The following PACRG variants were observed in gnomAD, a reference collection of about 807,000 sequenced individuals.
The protein encoded by PACRG is parkin coregulated, also known as parkin coregulated gene protein.
PACRG carries 29 observed loss-of-function variants against 29.7 expected under a neutral mutation model. The ratio of observed to expected loss-of-function variants is 0.98; its 90% CI spans 0.73 to 1.33. The LOEUF (loss-of-function observed/expected upper bound fraction) is 1.33. PACRG is among the 40% of genes most tolerant of loss of function. The pLI is 0.00. For missense variants in PACRG, 279 were observed against 316.2 expected (o/e 0.88, Z 0.89); for synonymous variants, 116 against 118.7 (o/e 0.98, Z 0.15).
At chr6:162,858,075 G>A (rs1453989454) in intron 2 of PACRG, among the ~76,000 whole-genome samples, 1 of 152,140 alleles carries the variant, frequency 6.6e-6, no homozygotes, top group Non-Finnish European at 1.5e-5. Flanking sequence ...TGAATATTCG[G>A]TGAATGTTGT....
chr6:162,912,212 T>TA (rs1796349188), intron 2 of PACRG, among the ~76,000 whole-genome samples: 1 of 152,324 alleles, frequency 6.6e-6, no homozygotes, highest in South Asian at 2.1e-4. Flanking sequence ...TTCCATCATT[T>TA]AAAAAAATCT....
chr6:163,308,437 G>A (rs1385421386), intron 4 of PACRG, among the ~76,000 whole-genome samples: 6 of 152,166 alleles, frequency 3.9e-5, no homozygotes, highest in Non-Finnish European at 8.8e-5. Context: ...AGGCCAAGGC[G>A]AGCGGATCAC....
At chr6:163,290,469 G>A (rs1043257131) in intron 4 of PACRG, among the ~76,000 whole-genome samples, 3 of 152,162 alleles carry the variant, frequency 2.0e-5, no homozygotes, top group Admixed American at 1.3e-4. Flanking sequence ...AAATGCAAGG[G>A]ACTGAGCCAA....
chr6:163,024,085 T>A (rs1307872322), intron 2 of PACRG, among the ~76,000 whole-genome samples: 2 of 152,214 alleles, frequency 1.3e-5, no homozygotes, highest in African/African-American at 4.8e-5. Flanking sequence ...AGGTACCACT[T>A]GTCTATTTTT....
At chr6:162,891,845 A>T (rs1794785429) in intron 2 of PACRG, among the ~76,000 whole-genome samples, 1 of 152,186 alleles carries the variant, frequency 6.6e-6, no homozygotes, top group Non-Finnish European at 1.5e-5. Context: ...GGCACTGGCC[A>T]CATAACCACC....
rs930907859 is a variant in PACRG at position 162,952,873 on chromosome 6, C to T, written c.292-109277C>T. On this transcript the variant is annotated intron_variant, in intron 2 of 4. Transcript: ENST00000366888. ...TCTCTTGGGCTACCTCTAGCTTCGACGTTTTTGCATGTGATATGGTTTTAT... is the reference window on the plus strand; with the variant it reads ...TCTCTTGGGCTACCTCTAGCTTCGATGTTTTTGCATGTGATATGGTTTTAT... Among the ~76,000 whole-genome samples, 6 of 152,192 alleles carry T rather than the reference C, an allele frequency of 3.9e-5. No homozygotes were observed. The East Asian group carries it at 1.2e-3, about 29-fold the overall frequency.
intron 2 of PACRG, among the ~76,000 whole-genome samples, chr6:162,979,969 T>G (rs1802269672): frequency 6.6e-6 from 1 of 151,864 alleles, no homozygotes; most frequent in Non-Finnish European, 1.5e-5. Flanking sequence ...ACTTAGAAAT[T>G]AACAGAAATG....
chr6:163,182,472 T>A (rs930175828), intron 4 of PACRG: 1 of 152,216 alleles, frequency 6.6e-6, no homozygotes, highest in African/African-American at 2.4e-5. Flanking sequence ...CGCCTTTAAT[T>A]TCTGTGCTGC....
chr6:163,032,436 C>A (rs1359515937), intron 2 of PACRG, among the ~76,000 whole-genome samples: 4 of 152,098 alleles, frequency 2.6e-5, no homozygotes, highest in Non-Finnish European at 5.9e-5. Context: ...TACAAACCAC[C>A]TTTGGAAGAT....
At chr6:162,906,692 G>T (rs184776278) in intron 2 of PACRG, among the ~76,000 whole-genome samples, 133 of 152,302 alleles carry the variant, frequency 8.7e-4, no homozygotes, top group African/African-American at 2.8e-3. Flanking sequence ...CATCTCAAAA[G>T]ACGTTACAAG....
At chr6:162,952,122 A>C (rs1033728253) in intron 2 of PACRG, among the ~76,000 whole-genome samples, 3 of 152,198 alleles carry the variant, frequency 2.0e-5, no homozygotes, top group African/African-American at 7.2e-5. Context: ...CATGAAAGAG[A>C]GAGACTCATC....
At chr6:163,247,132 G>T (rs1279442247) in intron 4 of PACRG, among the ~76,000 whole-genome samples, 2 of 152,194 alleles carry the variant, frequency 1.3e-5, no homozygotes, top group Non-Finnish European at 2.9e-5. Context: ...CTTGAACCAA[G>T]AAATGACTTC....
Position 162,900,034 on chromosome 6 carries a change from G to A in PACRG, c.291+85753G>A, listed in dbSNP as rs371024169. ...AAAGGGTCTGGCTGTGGGGAAGGGC[G>A]GGGGAGAGAGAGCCAGTTCCTTATG... On this transcript the variant is annotated intron_variant, in intron 2 of 4. Transcript: ENST00000366888. 3.4e-3 allele frequency among the ~76,000 whole-genome samples: 523 copies of A among 152,200 alleles called. 2 individuals are homozygous for A. Among genetic ancestry groups the A allele is most frequent in the African/African-American group, 0.012 (502 of 41,520 alleles).
chr6:163,210,975 C>T (rs558375202), intron 4 of PACRG, among the ~76,000 whole-genome samples: 23 of 152,260 alleles, frequency 1.5e-4, no homozygotes, highest in Admixed American at 6.5e-4. Flanking sequence ...AAAATGTCTT[C>T]GTTCAAATAA....
chr6:163,252,147 A>G (rs12208511), intron 4 of PACRG, among the ~76,000 whole-genome samples: 1,645 of 152,310 alleles, frequency 0.011, 8 homozygotes, highest in Middle Eastern at 0.024. Context: ...ATTACCCCAC[A>G]AGACGGGTGC....
chr6:163,046,875 G>A (rs1425621329), intron 2 of PACRG, among the ~76,000 whole-genome samples: 2 of 152,124 alleles, frequency 1.3e-5, no homozygotes, highest in Non-Finnish European at 2.9e-5. Context: ...AGTATAAAGA[G>A]CTTTAACAAA....
intron 2 of PACRG, among the ~76,000 whole-genome samples, chr6:162,979,314 A>T (rs1425541449): frequency 2.0e-5 from 3 of 152,060 alleles, no homozygotes; most frequent in Non-Finnish European, 4.4e-5. Context: ...CCTGATGGCC[A>T]TTTGTATGTC....
Position 162,774,955 on chromosome 6 carries a change from A to G in PACRG, c.157-39192A>G, listed in dbSNP as rs369311878. ...CAGTGAGCACGGTGCTCTGCATATA[A>G]CAGGACTCAGGGTTTACCCAACGAT... On this transcript the variant is annotated intron_variant, in intron 1 of 4. Transcript: ENST00000366888. Among the ~76,000 whole-genome samples, 5 of 152,292 alleles carry G rather than the reference A, an allele frequency of 3.3e-5. No individual in the cohort carries two copies. The South Asian group carries it at 1.0e-3, about 32-fold the overall frequency.
chr6:162,757,002 TCTA>T (rs1204855631), intron 1 of PACRG, among the ~76,000 whole-genome samples: 1 of 152,160 alleles, frequency 6.6e-6, no homozygotes, highest in Non-Finnish European at 1.5e-5. Flanking sequence ...ACGATTCTGT[TCTA>T]CTGTCTATTT....
Sources: gnomAD v4.1 joint callset for allele counts (sites outside exome capture counted in the v4.1 genomes callset) on GRCh38, gnomAD v4.1.1 for gene constraint, MANE v1.5 for transcripts, NCBI Gene and HGNC (gene_info 2026-07-23, HGNC 2026-07-21) for gene names.